The following SP1 variants were observed in gnomAD, a reference collection of about 807,000 sequenced individuals.
SP1 encodes transcription factor Sp1.
A neutral mutation model predicts 66.3 loss-of-function variants in SP1; 6 were observed. That is an observed-to-expected ratio of 0.09 (90% confidence interval 0.05 to 0.18). The LOEUF (loss-of-function observed/expected upper bound fraction) is 0.18. Among genes scored for constraint, SP1 ranks in the 10% least tolerant of loss-of-function variants. The probability of loss-of-function intolerance (pLI) is 1.00; values close to 1 mark genes in which losing one functional copy is unlikely to be tolerated. For synonymous variants in SP1, 417 were observed against 360.8 expected, an observed-to-expected ratio of 1.16 and a Z score of -1.77; for missense variants, 848 against 964.5, an observed-to-expected ratio of 0.88 and a Z score of 1.60.
intron 3 of SP1, among the ~76,000 whole-genome samples, chr12:53,399,215 C>T (rs77920970): frequency 6.6e-6 from 1 of 152,150 alleles, no homozygotes; most frequent in Non-Finnish European, 1.5e-5. Context: ...TGATGAACAT[C>T]CTTATCAAAT....
chr12:53,397,178 A>G (rs369762290), intron 3 of SP1, among the ~76,000 whole-genome samples: 1 of 151,646 alleles, frequency 6.6e-6, no homozygotes, highest in Non-Finnish European at 1.5e-5. Context: ...CGCCTGGCTA[A>G]TTTTTGTATT....
intron 3 of SP1, among the ~76,000 whole-genome samples, chr12:53,397,170 C>A (rs936352766): frequency 2.6e-5 from 4 of 151,820 alleles, no homozygotes; most frequent in African/African-American, 7.3e-5. Context: ...TGCCACCACG[C>A]CTGGCTAATT....
chr12:53,388,085 C>G (rs1938269758), intron 3 of SP1, among the ~76,000 whole-genome samples: 1 of 151,970 alleles, frequency 6.6e-6, no homozygotes, highest in Non-Finnish European at 1.5e-5. Flanking sequence ...GTTTTATAAA[C>G]TAAACATTTA....
chr12:53,407,782 G>A lies in SP1; in HGVS notation c.1844+1029G>A, dbSNP rs1230237405. On this transcript the variant is annotated intron_variant, in intron 4 of 5. Transcript: ENST00000327443. ...CTCCCTAGTAGCTGGGACTACAGGTGCCCGCCACCTCGCCCAGCTAATTTT... is the reference window on the plus strand; with the variant it reads ...CTCCCTAGTAGCTGGGACTACAGGTACCCGCCACCTCGCCCAGCTAATTTT... 4.6e-5 allele frequency among the ~76,000 whole-genome samples: 7 copies of A among 151,664 alleles called. No homozygotes were observed. In the East Asian group the frequency reaches 1.4e-3, roughly 30 times the overall value.
chr12:53,390,960 C>G (rs1411259371), intron 3 of SP1, among the ~76,000 whole-genome samples: 1 of 152,110 alleles, frequency 6.6e-6, no homozygotes, highest in African/African-American at 2.4e-5. Context: ...ACTAATAATT[C>G]TGCTCATGAC....
At chr12:53,390,027 C>G (rs1481099064) in intron 3 of SP1, among the ~76,000 whole-genome samples, 1 of 152,112 alleles carries the variant, frequency 6.6e-6, no homozygotes, top group Non-Finnish European at 1.5e-5. Flanking sequence ...CCAAGGGTGT[C>G]ACTAAACTTG....
At chr12:53,400,006 C>T (rs1938574286) in intron 3 of SP1, among the ~76,000 whole-genome samples, 1 of 152,054 alleles carries the variant, frequency 6.6e-6, no homozygotes, top group Non-Finnish European at 1.5e-5. Flanking sequence ...CCTAGTGATC[C>T]ACCTCCTGGG....
At chr12:53,393,824 C>G (rs1449077020) in intron 3 of SP1, among the ~76,000 whole-genome samples, 1 of 151,842 alleles carries the variant, frequency 6.6e-6, no homozygotes, top group African/African-American at 2.4e-5. Context: ...TCTTGAACTC[C>G]TGACCTCAGG....
At chr12:53,393,733 G>A (rs1295557855) in intron 3 of SP1, among the ~76,000 whole-genome samples, 2 of 151,848 alleles carry the variant, frequency 1.3e-5, no homozygotes, top group Non-Finnish European at 2.9e-5. Flanking sequence ...GAGTAGCTGG[G>A]ATTGCAGGTG....
At chr12:53,380,524 C>T (rs1938060431) in intron 1 of SP1, 1 of 542,598 alleles carries the variant, frequency 1.8e-6, no homozygotes, top group Non-Finnish European at 2.6e-6. Context: ...GGCAGCGTGG[C>T]CTCGCCCGCC....
intron 3 of SP1, among the ~76,000 whole-genome samples, chr12:53,386,479 C>CTTTT (rs372557385): frequency 1.6e-5 from 2 of 121,262 alleles, no homozygotes; most frequent in East Asian, 2.5e-4. Context: ...TAGACTGTAT[C>CTTTT]TTTTTTTTTT....
rs10699711 is a variant in SP1 at position 53,411,654 on chromosome 12, T to TTATATATATA, written c.*427_*436dup. 1.4e-5 allele frequency: 2 copies of TTATATATATA among 142,106 alleles called. No individual in the cohort carries two copies. The highest frequency in any genetic ancestry group is 5.2e-5 in the African/African-American group (2 of 38,460). The allele number at this position is 142,106 out of a possible 1,614,324, so 8.8% of individuals were successfully genotyped here. A position where few individuals can be genotyped will look rare whatever the true frequency, so the allele number is the denominator to read the frequency against. On this transcript the variant is annotated 3_prime_UTR_variant, in exon 6 of 6. Transcript: ENST00000327443. ...TTAACAAAAAACAGATTCTATATTATTATATATATATATATATATATAAAG... is the reference window on the plus strand; with the variant it reads ...TTAACAAAAAACAGATTCTATATTATTATATATATATATATATATATATATATATATAAAG...
chr12:53,394,145 G>A (rs1187981020), intron 3 of SP1, among the ~76,000 whole-genome samples: 1 of 152,034 alleles, frequency 6.6e-6, no homozygotes, highest in African/African-American at 2.4e-5. Flanking sequence ...AACCCGGGAG[G>A]TGGAGGTTGC....
chr12:53,403,281 G>A (rs974729741), intron 3 of SP1, among the ~76,000 whole-genome samples: 1 of 152,142 alleles, frequency 6.6e-6, no homozygotes, highest in African/African-American at 2.4e-5. Flanking sequence ...GTCCTACCTC[G>A]TTTAGTTACT....
At chr12:53,393,497 G>A (rs2136901757) in intron 3 of SP1, among the ~76,000 whole-genome samples, 1 of 151,648 alleles carries the variant, frequency 6.6e-6, no homozygotes, top group Admixed American at 6.6e-5. Context: ...TTTTCAGGCT[G>A]GTGTCGAACT....
chr12:53,399,991 C>G (rs1358921853), intron 3 of SP1, among the ~76,000 whole-genome samples: 2 of 152,128 alleles, frequency 1.3e-5, no homozygotes, highest in Non-Finnish European at 2.9e-5. Flanking sequence ...GTCTCAATCT[C>G]CTGACCTAGT....
Position 53,414,147 on chromosome 12 carries a change from A to AT in SP1, c.*2908dup, listed in dbSNP as rs1199931072. 7.2e-5 allele frequency: 11 copies of AT among 152,192 alleles called. No individual in the cohort carries two copies. The highest frequency in any genetic ancestry group is 2.4e-4 in the African/African-American group (10 of 41,454). The allele number at this position is 152,192 out of a possible 1,614,324, so 9.4% of individuals were successfully genotyped here. A position where few individuals can be genotyped will look rare whatever the true frequency, so the allele number is the denominator to read the frequency against. Reference sequence around the variant, plus strand: ...ACAGAAATTAATTTAACTGACATGCATATTGATTCTGAAATTTTTTTCCTA... The same window carrying AT: ...ACAGAAATTAATTTAACTGACATGCATTATTGATTCTGAAATTTTTTTCCTA... On this transcript the variant is annotated 3_prime_UTR_variant, in exon 6 of 6. Transcript: ENST00000327443.
Position 53,384,275 on chromosome 12 carries a change from T to C in SP1, c.1675+653T>C, listed in dbSNP as rs184731119. 2.3e-3 allele frequency among the ~76,000 whole-genome samples: 351 copies of C among 149,814 alleles called. 1 individual carries two copies. The highest frequency in any genetic ancestry group is 8.3e-3 in the African/African-American group (338 of 40,744). ...TGAGCCACCGCGCCCGGCTTTCTTT[T>C]CTTTTTTTTCTTTTTTCTTTTTTTT... On this transcript the variant is annotated intron_variant, in intron 3 of 5. Transcript: ENST00000327443.
At chr12:53,399,607 A>G (rs1225382329) in intron 3 of SP1, among the ~76,000 whole-genome samples, 1 of 150,698 alleles carries the variant, frequency 6.6e-6, no homozygotes, top group Non-Finnish European at 1.5e-5. Context: ...CTGGGATTAC[A>G]GGCGTGAGCC....
Sources: allele counts gnomAD v4.1 joint callset (sites outside exome capture counted in the v4.1 genomes callset), GRCh38; gene constraint gnomAD v4.1.1; transcripts MANE v1.5; gene names NCBI Gene and HGNC (gene_info 2026-07-23, HGNC 2026-07-21).